Variants in HTN3 observed in about 807,000 individuals in gnomAD.
HTN3 encodes the protein histatin 3, also known as histatin-3.
In HTN3, 15 loss-of-function variants were observed where a neutral mutation model predicts 10.6. The observed-to-expected ratio is 1.42, with a 90% confidence interval of 0.95 to 2.18. The LOEUF is 2.18. HTN3 is among the 30% of genes most tolerant of loss of function. The pLI is 0.00. For missense variants in HTN3, 68 were observed against 58.0 expected (o/e 1.17, Z -0.56); for synonymous variants, 15 against 16.9 (o/e 0.89, Z 0.27).
intron 1 of HTN3, among the ~76,000 whole-genome samples, chr4:70,029,151 C>T (rs1306895289): frequency 6.6e-6 from 1 of 151,906 alleles, no homozygotes; most frequent in Non-Finnish European, 1.5e-5. Context: ...ATTAATTATA[C>T]ATTGATTATC....
chr4:70,035,553 G>A (rs759133072), intron 5 of HTN3, among the ~76,000 whole-genome samples: 5 of 152,086 alleles, frequency 3.3e-5, no homozygotes, highest in South Asian at 2.1e-4. Flanking sequence ...AGAAATTTAC[G>A]TTTTATGCCT....
chr4:70,034,981 A>C (rs148394068), intron 5 of HTN3, among the ~76,000 whole-genome samples: 65 of 152,268 alleles, frequency 4.3e-4, no homozygotes, highest in African/African-American at 1.5e-3. Context: ...TTCACTCATA[A>C]GTGGGAGCTG....
intron 1 of HTN3, among the ~76,000 whole-genome samples, 191 bp downstream of exon 1, chr4:70,028,707 T>A (rs1247634420): frequency 6.6e-6 from 1 of 152,120 alleles, no homozygotes; most frequent in African/African-American, 2.4e-5. Flanking sequence ...GCAATCATCA[T>A]GCAAAGTAAC....
At chr4:70,032,583 A>G (rs145071126) in intron 4 of HTN3, among the ~76,000 whole-genome samples, 14 of 152,202 alleles carry the variant, frequency 9.2e-5, no homozygotes, top group African/African-American at 3.4e-4. Context: ...TATGTATAAA[A>G]ATATCATATT....
chr4:70,028,927 T>A (rs796313561), intron 1 of HTN3, among the ~76,000 whole-genome samples: 1 of 152,060 alleles, frequency 6.6e-6, no homozygotes, highest in African/African-American at 2.4e-5. Flanking sequence ...ACTTTCCTCT[T>A]AGTCGTAAAC....
rs1281204177 is a variant in HTN3 at position 70,036,418 on chromosome 4, C to T, written c.*185C>T. Reference sequence around the variant, plus strand: ...TTCTGTGTTTCAGGATACTTCCCTTCCTAATTATCATTTGATTAGATACTT... The same window carrying T: ...TTCTGTGTTTCAGGATACTTCCCTTTCTAATTATCATTTGATTAGATACTT... On this transcript the variant is annotated 3_prime_UTR_variant, in exon 6 of 6. Coordinates refer to ENST00000673563, the MANE Select transcript of HTN3 (RefSeq NM_000200.3). 6.6e-6 allele frequency: 1 copy of T among 152,112 alleles called. No homozygotes were observed. Among genetic ancestry groups the T allele is most frequent in the East Asian group, 1.9e-4 (1 of 5,180 alleles). The allele number at this position is 152,112 out of a possible 1,614,324, so 9.4% of individuals were successfully genotyped here. A position where few individuals can be genotyped will look rare whatever the true frequency, so the allele number is the denominator to read the frequency against.
At chr4:70,029,440 A>C (rs1332877245) in intron 1 of HTN3, among the ~76,000 whole-genome samples, 2 of 152,062 alleles carry the variant, frequency 1.3e-5, no homozygotes, top group African/African-American at 4.8e-5. Flanking sequence ...GCTTTCTGTG[A>C]TAGAGATGTA....
intron 5 of HTN3, among the ~76,000 whole-genome samples, chr4:70,035,291 TTAAAG>T (rs1169770023): frequency 2.0e-5 from 3 of 152,212 alleles, no homozygotes; most frequent in Non-Finnish European, 2.9e-5. Flanking sequence ...TTTCATGACC[TTAAAG>T]TATTCCTAAT....
chr4:70,032,156 A>C, intron 4 of HTN3, 49 bp downstream of exon 4: 1 of 1,187,494 alleles, frequency 8.4e-7, no homozygotes, highest in Non-Finnish European at 1.2e-6. Flanking sequence ...TTCTTCTCTG[A>C]CTATTTATTC....
intron 2 of HTN3, 161 bp downstream of exon 2, chr4:70,030,952 G>A: frequency 1.7e-6 from 1 of 579,490 alleles, no homozygotes; most frequent in Non-Finnish European, 3.0e-6. Context: ...GTTCTTAAAG[G>A]ACTTAGAATA....
At chr4:70,032,483 A>G (rs1399053731) in intron 4 of HTN3, among the ~76,000 whole-genome samples, 2 of 152,052 alleles carry the variant, frequency 1.3e-5, no homozygotes, top group East Asian at 1.9e-4. Context: ...TGTGGTTTCT[A>G]TCTTATAATA....
intron 5 of HTN3, among the ~76,000 whole-genome samples, chr4:70,035,268 C>T (rs920965771): frequency 2.0e-5 from 3 of 152,164 alleles, no homozygotes; most frequent in African/African-American, 7.2e-5. Context: ...TTTATCCTGA[C>T]CCTGACAACT....
intron 1 of HTN3, among the ~76,000 whole-genome samples, chr4:70,029,636 T>C (rs755845877): frequency 3.3e-5 from 5 of 152,162 alleles, no homozygotes; most frequent in Non-Finnish European, 2.9e-5. Flanking sequence ...GTGGTAATTG[T>C]ATTTTCCAGT....
intron 5 of HTN3, chr4:70,033,473 T>C (rs538851156): frequency 1.6e-5 from 6 of 364,814 alleles, no homozygotes; most frequent in Non-Finnish European, 2.9e-5. Context: ...GGTCTATATG[T>C]CTGTTTTGGT....
intron 5 of HTN3, among the ~76,000 whole-genome samples, chr4:70,034,573 G>A (rs11725088): frequency 0.52 from 78,424 of 152,022 alleles, 20,993 homozygotes; most frequent in East Asian, 0.64. Flanking sequence ...GCTAGGTTGT[G>A]GAGAGATAGG....
chr4:70,035,408 C>T (rs1438839825), intron 5 of HTN3, among the ~76,000 whole-genome samples: 2 of 152,024 alleles, frequency 1.3e-5, no homozygotes, highest in Non-Finnish European at 2.9e-5. Context: ...ATAGGGAAGC[C>T]CTTGTTCTGG....
intron 1 of HTN3, among the ~76,000 whole-genome samples, 197 bp from the exon 2 acceptor site, chr4:70,030,531 C>A (rs1285874940): frequency 1.3e-5 from 2 of 152,080 alleles, no homozygotes; most frequent in Non-Finnish European, 2.9e-5. Flanking sequence ...ACAAGTGGAA[C>A]TAGGGAGGCT....
Position 70,030,769 on chromosome 4 carries a change from T to C in HTN3, c.29T>C (p.Leu10Ser). The change falls in exon 2 of 6, where the codon TTG becomes TCG. Residue 10 changes from leucine to serine, a missense_variant. Leu to Ser is a moderately radical substitution (Grantham distance 145). Transcript: ENST00000673563. ...AAGTTTTTTGTTTTTGCTTTAATCT[T>C]GGCTCTCATGCTTTCCATGACTGTA... MKFFVFALI[L>S]ALMLSMTGAD... The C allele has an allele frequency of 7.4e-6, 12 of 1,612,666 alleles. No homozygotes were observed. The highest frequency in any genetic ancestry group is 1.0e-5 in the Non-Finnish European group (12 of 1,178,872).
chr4:70,028,861 A>T (rs1479115153), intron 1 of HTN3, among the ~76,000 whole-genome samples: 2 of 152,098 alleles, frequency 1.3e-5, no homozygotes, highest in African/African-American at 2.4e-5. Context: ...ATTTTACAAG[A>T]TACTGATAGA....
Sources: allele counts gnomAD v4.1 joint callset (sites outside exome capture counted in the v4.1 genomes callset), GRCh38; gene constraint gnomAD v4.1.1; transcripts MANE v1.5; gene names NCBI Gene and HGNC (gene_info 2026-07-23, HGNC 2026-07-21).